TRHDE: variants seen among roughly 807,000 people sequenced by gnomAD.
The protein encoded by TRHDE is thyrotropin releasing hormone degrading enzyme.
Under a neutral mutation model 125.7 loss-of-function variants are expected in TRHDE, and 72 were observed. That is an observed-to-expected ratio of 0.57 (90% confidence interval 0.47 to 0.70). TRHDE has a LOEUF of 0.70. Ranked by LOEUF, TRHDE falls within the 30% of genes least tolerant of loss-of-function variation. The pLI is 0.00. For synonymous variants in TRHDE, 509 were observed against 509.1 expected, an observed-to-expected ratio of 1.00 and a Z score of 0.00; for missense variants, 1,110 against 1,327.1, an observed-to-expected ratio of 0.84 and a Z score of 2.54.
chr12:72,485,937 C>T (rs1330781349), intron 5 of TRHDE, among the ~76,000 whole-genome samples: 2 of 152,134 alleles, frequency 1.3e-5, no homozygotes, highest in African/African-American at 2.4e-5. Context: ...TGAGTACTTG[C>T]TGCTGCTGCA....
chr12:72,570,443 T>C (rs1345904192), intron 10 of TRHDE, among the ~76,000 whole-genome samples: 2 of 151,886 alleles, frequency 1.3e-5, no homozygotes, highest in Non-Finnish European at 2.9e-5. Context: ...TAGCTGGGCA[T>C]GGTGGTGGGC....
intron 2 of TRHDE, among the ~76,000 whole-genome samples, chr12:72,293,321 C>T (rs1352553426): frequency 6.6e-6 from 1 of 151,616 alleles, no homozygotes; most frequent in Non-Finnish European, 1.5e-5. Flanking sequence ...CTGATTATTT[C>T]TTTTGCTGTG....
intron 2 of TRHDE, chr12:72,263,509 C>T (rs1878999530): frequency 6.6e-6 from 1 of 152,034 alleles, no homozygotes; most frequent in Non-Finnish European, 1.5e-5. Context: ...TTAAATGTTA[C>T]CATTCTAGTG....
At chr12:72,203,071 CTAT>C (rs1232694089) in intron 2 of TRHDE, among the ~76,000 whole-genome samples, 1 of 151,922 alleles carries the variant, frequency 6.6e-6, no homozygotes, top group Non-Finnish European at 1.5e-5. Context: ...ACATAGTGAA[CTAT>C]TATGTCTTTT....
In TRHDE at chr12:72,652,405, A is replaced by G; in HGVS notation, c.2759A>G (p.Lys920Arg). The G allele has an allele frequency of 6.2e-7, 1 of 1,608,046 alleles. No individual in the cohort carries two copies. The highest frequency in any genetic ancestry group is 1.1e-5 in the South Asian group (1 of 90,588). The change falls in exon 16 of 19, where the codon AAA (lysine) becomes AGA (arginine). Residue 920 changes from lysine to arginine, a missense_variant. Physicochemically the swap from Lys to Arg is conservative, Grantham distance 26. Around this residue, in one of 5 missense-constraint regions of TRHDE, gnomAD observed 527 missense variants for 651.8 expected, o/e 0.81. Coordinates refer to ENST00000261180, the MANE Select transcript of TRHDE (RefSeq NM_013381.3). ...DEDVWEFIWM[K>R]FHSTTAVSEK... ...GATGTCTGGGAATTCATATGGATGA[A>G]ATTCCATTCCACCACAGCAGTTTCT...
intron 2 of TRHDE, among the ~76,000 whole-genome samples, chr12:72,247,379 G>A (rs1878594703): frequency 6.6e-6 from 1 of 152,074 alleles, no homozygotes; most frequent in Admixed American, 6.6e-5. Flanking sequence ...GGAAAGTTTT[G>A]ACCTTTGACA....
intron 7 of TRHDE, among the ~76,000 whole-genome samples, chr12:72,551,695 A>G (rs1190433155): frequency 6.6e-6 from 1 of 152,142 alleles, no homozygotes; most frequent in Non-Finnish European, 1.5e-5. Context: ...CACAGCGGAT[A>G]TGGTCCCTGT....
intron 2 of TRHDE, among the ~76,000 whole-genome samples, chr12:72,138,713 T>G (rs1443589646): frequency 6.6e-6 from 1 of 151,872 alleles, no homozygotes; most frequent in African/African-American, 2.4e-5. Context: ...CTCTGAGGAG[T>G]CGTGACCATA....
At chr12:72,104,984 G>A (rs187789058) in intron 1 of TRHDE, among the ~76,000 whole-genome samples, 29 of 152,190 alleles carry the variant, frequency 1.9e-4, no homozygotes, top group Middle Eastern at 3.4e-3. Context: ...GCAGCTCCAC[G>A]CTCACACTAA....
At chr12:72,506,935 T>TG (rs1428131997) in intron 6 of TRHDE, among the ~76,000 whole-genome samples, 6 of 152,174 alleles carry the variant, frequency 3.9e-5, no homozygotes, top group Admixed American at 3.3e-4. Context: ...GATTGGATCA[T>TG]GGGGGCAGAT....
chr12:72,530,439 T>TTTTA (rs398044497), intron 6 of TRHDE, among the ~76,000 whole-genome samples: 11 of 146,764 alleles, frequency 7.5e-5, no homozygotes, highest in Middle Eastern at 3.5e-3. Context: ...TTTTTTTTTT[T>TTTTA]AACTTTAACC....
intron 3 of TRHDE, among the ~76,000 whole-genome samples, chr12:72,458,471 C>A (rs773249098): frequency 9.9e-5 from 15 of 152,092 alleles, no homozygotes; most frequent in Non-Finnish European, 2.1e-4. Flanking sequence ...AATCTCAGTG[C>A]TCCTCAGACG....
intron 12 of TRHDE, among the ~76,000 whole-genome samples, chr12:72,606,090 T>C (rs1455753801): frequency 3.9e-5 from 6 of 152,232 alleles, no homozygotes. Flanking sequence ...GCTGCCAGTC[T>C]GACTTCCCAC....
At chr12:72,241,489 C>T (rs576720198) in intron 2 of TRHDE, among the ~76,000 whole-genome samples, 5 of 152,192 alleles carry the variant, frequency 3.3e-5, no homozygotes, top group African/African-American at 7.2e-5. Flanking sequence ...TTTATTATTG[C>T]ACAGTAGTAT....
At chr12:72,286,628 T>C in intron 1 of TRHDE, 53 bp from the exon 2 acceptor site, 1 of 1,530,770 alleles carries the variant, frequency 6.5e-7, no homozygotes, top group Non-Finnish European at 9.0e-7. Context: ...AATGTGGCCA[T>C]AACTTAACTC....
intron 2 of TRHDE, among the ~76,000 whole-genome samples, chr12:72,356,251 G>A (rs1229527533): frequency 6.6e-6 from 1 of 151,638 alleles, no homozygotes; most frequent in African/African-American, 2.4e-5. Context: ...CATGGATGGA[G>A]CTGGAGGCCA....
intron 3 of TRHDE, among the ~76,000 whole-genome samples, chr12:72,386,170 G>GT (rs1442183445): frequency 2.6e-5 from 4 of 152,002 alleles, no homozygotes; most frequent in African/African-American, 9.7e-5. Context: ...ACAACTTTGG[G>GT]TTTACTCCTA....
intron 2 of TRHDE, among the ~76,000 whole-genome samples, chr12:72,317,803 A>G (rs79572900): frequency 0.035 from 5,333 of 152,264 alleles, 124 homozygotes; most frequent in Middle Eastern, 0.058. Flanking sequence ...GGAACATTCA[A>G]CGGATAACAA....
At chr12:72,565,260 C>A (rs537279297) in intron 9 of TRHDE, among the ~76,000 whole-genome samples, 2 of 152,216 alleles carry the variant, frequency 1.3e-5, no homozygotes, top group African/African-American at 4.8e-5. Context: ...CCTGTGAAAT[C>A]TGTATATTTT....
Sources: allele counts gnomAD v4.1 joint callset (sites outside exome capture counted in the v4.1 genomes callset), GRCh38; gene constraint gnomAD v4.1.1; regional missense constraint gnomAD v4.1.1; transcripts MANE v1.5; gene names NCBI Gene and HGNC (gene_info 2026-07-23, HGNC 2026-07-21).